The following TMTC4 variants were observed in gnomAD, a reference collection of about 807,000 sequenced individuals.
The protein encoded by TMTC4 is transmembrane O-mannosyltransferase targeting cadherins 4.
In TMTC4, 65 loss-of-function variants were observed where a neutral mutation model predicts 86.0. That is an observed-to-expected ratio of 0.76 (90% CI 0.62 to 0.93). TMTC4 has a LOEUF of 0.93. Among genes scored for constraint, TMTC4 ranks in the 40% least tolerant of loss-of-function variants. TMTC4 has a pLI of 0.00. For synonymous variants in TMTC4, 379 were observed against 382.5 expected (o/e 0.99, Z 0.11); for missense variants, 866 against 948.1 (o/e 0.91, Z 1.14).
chr13:100,671,580 G>A (rs1478634324), intron 1 of TMTC4, among the ~76,000 whole-genome samples: 1 of 152,158 alleles, frequency 6.6e-6, no homozygotes, highest in African/African-American at 2.4e-5. Context: ...AAGTCAAGTG[G>A]ATGGCTGACT....
Position 100,619,454 on chromosome 13 carries a change from C to T in TMTC4, c.1837-5024G>A, listed in dbSNP as rs575231510. On this transcript the variant is annotated intron_variant, in intron 15 of 18. Transcript: ENST00000342624. Reference sequence around the variant, plus strand: ...CACATTTTATTTGAGTGTACTTGATCCCTTTAACTCTGCAAAAAGTACAAA... The same window carrying T: ...CACATTTTATTTGAGTGTACTTGATTCCTTTAACTCTGCAAAAAGTACAAA... Among the ~76,000 whole-genome samples the T allele has an allele frequency of 2.0e-5, 3 of 152,214 alleles. No homozygotes were observed. The South Asian group carries it at 6.2e-4, about 32-fold the overall frequency.
chr13:100,637,747 A>G, intron 8 of TMTC4, 45 bp from the exon 9 acceptor site: 1 of 1,597,642 alleles, frequency 6.3e-7, no homozygotes, highest in Non-Finnish European at 8.6e-7. Flanking sequence ...ATTTTCACAT[A>G]AAAGTGTGGC....
At chr13:100,634,717 T>C in intron 12 of TMTC4, 88 bp downstream of exon 12, 1 of 1,499,570 alleles carries the variant, frequency 6.7e-7, no homozygotes, top group Non-Finnish European at 8.9e-7. Flanking sequence ...CACTAAATAC[T>C]GCGCGACAGG....
intron 15 of TMTC4, among the ~76,000 whole-genome samples, chr13:100,615,400 CG>C (rs1878321650): frequency 1.3e-5 from 2 of 151,230 alleles, no homozygotes; most frequent in South Asian, 4.2e-4. Flanking sequence ...CTCAGCCTCC[CG>C]AAGTGCTGGG....
At chr13:100,657,880 C>T (rs1470925115) in intron 5 of TMTC4, among the ~76,000 whole-genome samples, 4 of 152,184 alleles carry the variant, frequency 2.6e-5, no homozygotes, top group East Asian at 1.9e-4. Context: ...GAGGACCATT[C>T]GTCACTGTAA....
At chr13:100,668,969 A>G (rs1374089706) in intron 2 of TMTC4, among the ~76,000 whole-genome samples, 175 bp from the exon 3 acceptor site, 2 of 152,260 alleles carry the variant, frequency 1.3e-5, no homozygotes, top group Non-Finnish European at 2.9e-5. Flanking sequence ...GTCACATGGG[A>G]CACATGCAGA....
At chr13:100,674,420 CGGCTGTGCAGGCAGG>C in intron 1 of TMTC4, 1 of 918,374 alleles carries the variant, frequency 1.1e-6, no homozygotes, top group Non-Finnish European at 1.3e-6. Context: ...AGCGCCGGCG[CGGCTGTGCAGGCAGG>C]GGCTGGGGGC....
At chr13:100,634,602 CTTCTT>C (rs1293441697) in intron 12 of TMTC4, among the ~76,000 whole-genome samples, 198 bp downstream of exon 12, 1 of 152,000 alleles carries the variant, frequency 6.6e-6, no homozygotes, top group Non-Finnish European at 1.5e-5. Flanking sequence ...TTTTAAATGA[CTTCTT>C]TTCAATTTTG....
chr13:100,645,789 G>C (rs1594326458), intron 6 of TMTC4, among the ~76,000 whole-genome samples: 1 of 152,096 alleles, frequency 6.6e-6, no homozygotes, highest in Non-Finnish European at 1.5e-5. Context: ...CCGAGTCGAG[G>C]GTCTGTCCAC....
intron 16 of TMTC4, 144 bp from the exon 17 acceptor site, chr13:100,612,654 T>C (rs1298698059): frequency 8.9e-6 from 4 of 449,014 alleles, no homozygotes; most frequent in East Asian, 8.9e-5. Flanking sequence ...GATCATGTAA[T>C]ACACACACAC....
chr13:100,612,480 C>T lies in TMTC4; in HGVS notation c.1982G>A (p.Arg661Lys). The T allele has an allele frequency of 3.7e-6, 6 of 1,611,534 alleles. No individual in the cohort carries two copies. Among genetic ancestry groups the T allele is most frequent in the East Asian group, 2.2e-5 (1 of 44,776 alleles). Residue 661 changes from arginine to lysine, a missense_variant, in exon 17 of 19, where the codon AGA (arginine) becomes AAA (lysine). Transcript: ENST00000342624. ...ATTAGGTATTAATTCCAGTGCCTCT[C>T]TTCCAACTGCTTCAGCTTGGGCTAA... Reference protein sequence around the residue: ...GNLAQAEAVGREALELIPNDH... With the variant: ...GNLAQAEAVGKEALELIPNDH...
chr13:100,609,159 G>C (rs1414328345), intron 17 of TMTC4, among the ~76,000 whole-genome samples: 2 of 152,098 alleles, frequency 1.3e-5, no homozygotes, highest in Non-Finnish European at 2.9e-5. Context: ...GTCTGCACTT[G>C]GTGGTGGTGT....
chr13:100,613,367 A>G (rs1877944490), intron 16 of TMTC4, among the ~76,000 whole-genome samples: 1 of 152,132 alleles, frequency 6.6e-6, no homozygotes, highest in South Asian at 2.1e-4. Flanking sequence ...TTCTTAAAAG[A>G]CGTTTGGATT....
chr13:100,650,538 T>C (rs947510461), intron 6 of TMTC4, among the ~76,000 whole-genome samples: 2 of 152,362 alleles, frequency 1.3e-5, no homozygotes, highest in Admixed American at 1.3e-4. Flanking sequence ...ATGTTGTGTG[T>C]GGGAACCACG....
chr13:100,628,753 C>T (rs866806649), intron 12 of TMTC4, among the ~76,000 whole-genome samples: 18 of 152,246 alleles, frequency 1.2e-4, no homozygotes, highest in Middle Eastern at 3.4e-3. Context: ...CTGGTAGTTT[C>T]TCAACTAAAC....
chr13:100,667,445 C>A (rs1049383809), intron 3 of TMTC4, among the ~76,000 whole-genome samples: 1 of 151,800 alleles, frequency 6.6e-6, no homozygotes, highest in Non-Finnish European at 1.5e-5. Flanking sequence ...ACAACAACAA[C>A]GAAAACCCAT....
intron 3 of TMTC4, among the ~76,000 whole-genome samples, chr13:100,667,963 T>C (rs1253100220): frequency 2.0e-5 from 3 of 152,188 alleles, no homozygotes; most frequent in African/African-American, 7.2e-5. Flanking sequence ...CCTGCACTGA[T>C]ACATAGCAAC....
chr13:100,613,847 C>CCA (rs1555338774), intron 16 of TMTC4, among the ~76,000 whole-genome samples: 4 of 137,432 alleles, frequency 2.9e-5, no homozygotes, highest in Non-Finnish European at 6.4e-5. Flanking sequence ...CCGCCCCCCC[C>CCA]TTTTTTTTTG....
chr13:100,668,870 G>A (rs1886726533), intron 2 of TMTC4, 76 bp from the exon 3 acceptor site: 3 of 1,356,120 alleles, frequency 2.2e-6, no homozygotes, highest in African/African-American at 1.4e-5. Context: ...CCGTGAGTAA[G>A]AGCTAGATAG....
Sources: allele counts gnomAD v4.1 joint callset (sites outside exome capture counted in the v4.1 genomes callset), GRCh38; gene constraint gnomAD v4.1.1; transcripts MANE v1.5; gene names NCBI Gene and HGNC (gene_info 2026-07-23, HGNC 2026-07-21).